The following FOXP1 variants were observed in gnomAD, a reference collection of about 807,000 sequenced individuals.
The protein encoded by FOXP1 is forkhead box P1, also known as forkhead box protein P1.
FOXP1 carries 15 observed loss-of-function variants against 98.2 expected under a neutral mutation model. The observed-to-expected ratio is 0.15, with a 90% CI of 0.10 to 0.24. The LOEUF is 0.24. Among genes scored for constraint, FOXP1 ranks in the 10% least tolerant of loss-of-function variants. The pLI, the probability that FOXP1 is intolerant of heterozygous loss-of-function variation, is 1.00. For missense variants in FOXP1, 633 were observed against 848.5 expected, an observed-to-expected ratio of 0.75 and a Z score of 3.15; for synonymous variants, 371 against 314.5, an observed-to-expected ratio of 1.18 and a Z score of -1.90.
chr3:71,295,313 G>T (rs948939253), intron 5 of FOXP1, among the ~76,000 whole-genome samples: 4 of 152,148 alleles, frequency 2.6e-5, no homozygotes, highest in Admixed American at 2.0e-4. Flanking sequence ...TTAGGTAAAT[G>T]TTCAAATCAC....
chr3:71,355,372 CAT>C (rs2078082395), intron 4 of FOXP1, among the ~76,000 whole-genome samples: 1 of 152,140 alleles, frequency 6.6e-6, no homozygotes, highest in Non-Finnish European at 1.5e-5. Flanking sequence ...AGGGCTGTAA[CAT>C]ATGGAACAAA....
At chr3:71,550,364 C>T (rs898649929) in intron 2 of FOXP1, among the ~76,000 whole-genome samples, 12 of 152,150 alleles carry the variant, frequency 7.9e-5, no homozygotes, top group Admixed American at 5.2e-4. Context: ...GTTATATAAC[C>T]GCTCCGTGCC....
At chr3:71,568,287 A>G (rs2047070691) in intron 2 of FOXP1, among the ~76,000 whole-genome samples, 1 of 152,168 alleles carries the variant, frequency 6.6e-6, no homozygotes, top group Non-Finnish European at 1.5e-5. Flanking sequence ...TCAGCAATAG[A>G]GTACACTTAG....
chr3:71,522,672 G>A (rs946617432), intron 2 of FOXP1, among the ~76,000 whole-genome samples: 1 of 152,150 alleles, frequency 6.6e-6, no homozygotes, highest in African/African-American at 2.4e-5. Flanking sequence ...ACCGTTCTGG[G>A]CCAATGCCAG....
At chr3:71,153,804 C>A (rs937280353) in intron 6 of FOXP1, among the ~76,000 whole-genome samples, 1 of 152,166 alleles carries the variant, frequency 6.6e-6, no homozygotes. Flanking sequence ...ACAAGTCAGA[C>A]AACCTAATGG....
At chr3:71,536,716 T>G (rs1032257818) in intron 2 of FOXP1, among the ~76,000 whole-genome samples, 1 of 152,024 alleles carries the variant, frequency 6.6e-6, no homozygotes, top group African/African-American at 2.4e-5. Flanking sequence ...GCAGAGGCAT[T>G]ACAAAGGACT....
At chr3:71,114,024 A>C (rs1324571282) in intron 6 of FOXP1, among the ~76,000 whole-genome samples, 1 of 152,214 alleles carries the variant, frequency 6.6e-6, no homozygotes, top group Non-Finnish European at 1.5e-5. Flanking sequence ...ATGTGCTTAG[A>C]GTTTAGACAC....
chr3:71,249,755 G>A (rs985422011), intron 5 of FOXP1, among the ~76,000 whole-genome samples: 3 of 152,158 alleles, frequency 2.0e-5, no homozygotes, highest in African/African-American at 4.8e-5. Flanking sequence ...CCACTCAGTT[G>A]GAAGGGAGAG....
chr3:71,384,230 A>C (rs2080398033), intron 3 of FOXP1, among the ~76,000 whole-genome samples: 3 of 152,154 alleles, frequency 2.0e-5, no homozygotes, highest in Admixed American at 6.5e-5. Context: ...ACAAACAAAC[A>C]AACAAACAAA....
At chr3:71,019,090 T>C (rs1189993112) in intron 11 of FOXP1, among the ~76,000 whole-genome samples, 1 of 152,162 alleles carries the variant, frequency 6.6e-6, no homozygotes, top group Non-Finnish European at 1.5e-5. Flanking sequence ...GCTTTTCTGT[T>C]TTCTCAAAAA....
At chr3:71,014,502 G>A (rs766808138) in intron 12 of FOXP1, among the ~76,000 whole-genome samples, 1 of 152,194 alleles carries the variant, frequency 6.6e-6, no homozygotes, top group Non-Finnish European at 1.5e-5. Context: ...ACAGGTGCTG[G>A]AGAGGATGTG....
chr3:71,168,105 C>G (rs867712117), intron 6 of FOXP1, among the ~76,000 whole-genome samples: 1 of 152,128 alleles, frequency 6.6e-6, no homozygotes, highest in Admixed American at 6.5e-5. Context: ...CAAGAGTACC[C>G]CAGGCTAATC....
intron 5 of FOXP1, among the ~76,000 whole-genome samples, chr3:71,261,317 TA>T (rs888860439): frequency 6.6e-6 from 1 of 152,080 alleles, no homozygotes; most frequent in Non-Finnish European, 1.5e-5. Context: ...AATACATTAA[TA>T]AAAAAATTAG....
intron 6 of FOXP1, among the ~76,000 whole-genome samples, chr3:71,136,524 C>T (rs1215117014): frequency 6.6e-6 from 1 of 152,178 alleles, no homozygotes; most frequent in African/African-American, 2.4e-5. Context: ...AAGTAAATGA[C>T]TCATAAGAAT....
intron 5 of FOXP1, among the ~76,000 whole-genome samples, chr3:71,249,894 C>A (rs574866972): frequency 6.6e-6 from 1 of 152,340 alleles, no homozygotes; most frequent in South Asian, 2.1e-4. Flanking sequence ...TCCCTTGCCT[C>A]TAACTGGGGG....
chr3:71,432,470 T>C (rs1251644339), intron 3 of FOXP1, among the ~76,000 whole-genome samples: 2 of 152,166 alleles, frequency 1.3e-5, no homozygotes, highest in African/African-American at 4.8e-5. Flanking sequence ...ATGACCCTCA[T>C]TCTTCTCTCC....
intron 2 of FOXP1, among the ~76,000 whole-genome samples, chr3:71,502,189 C>A (rs2107201353): frequency 6.6e-6 from 1 of 152,312 alleles, no homozygotes; most frequent in African/African-American, 2.4e-5. Context: ...CCTTCCGTTC[C>A]CACTGGCAAA....
chr3:71,167,098 T>C (rs1017400733), intron 6 of FOXP1, among the ~76,000 whole-genome samples: 1 of 151,778 alleles, frequency 6.6e-6, no homozygotes. Flanking sequence ...CCAGCCAAAT[T>C]TGATCAACAA....
intron 7 of FOXP1, among the ~76,000 whole-genome samples, chr3:71,078,947 C>T (rs1349692658): frequency 1.3e-5 from 2 of 152,126 alleles, no homozygotes; most frequent in African/African-American, 4.8e-5. Flanking sequence ...CCAAGTTCAT[C>T]CCACCAGTGG....
Sources: gnomAD v4.1 joint callset for allele counts (sites outside exome capture counted in the v4.1 genomes callset) on GRCh38, gnomAD v4.1.1 for gene constraint, MANE v1.5 for transcripts, NCBI Gene and HGNC (gene_info 2026-07-23, HGNC 2026-07-21) for gene names.